CFAP74: variants seen among roughly 807,000 people sequenced by gnomAD.
CFAP74 encodes cilia and flagella associated protein 74.
CFAP74 carries 124 observed loss-of-function variants against 188.9 expected under a neutral mutation model. That is an observed-to-expected ratio of 0.66 (90% CI 0.57 to 0.76). CFAP74 has a LOEUF of 0.76. Ranked by LOEUF, CFAP74 falls within the 30% of genes least tolerant of loss-of-function variation. The pLI is 0.00. For synonymous variants in CFAP74, 956 were observed against 916.7 expected, an observed-to-expected ratio of 1.04 and a Z score of -0.77; for missense variants, 2,198 against 2,165.2, an observed-to-expected ratio of 1.02 and a Z score of -0.30.
At position 1,927,700 on chromosome 1, in the gene CFAP74, G is replaced by GAC. The variant is rs1208841207; in HGVS notation, c.3432_3433dup (p.Ser1145CysfsTer30). On this transcript the variant is annotated frameshift_variant, in exon 28 of 39. Coordinates refer to ENST00000682832, the MANE Select transcript of CFAP74 (RefSeq NM_001304360.2). LOFTEE classifies it high-confidence loss of function. Reference sequence around the variant, plus strand: ...GTTCTGTGCTCGAAGAACGGAGAATGACAGTCCATGCAGGTCCTTCCTCTG... The same window carrying GAC: ...GTTCTGTGCTCGAAGAACGGAGAATGACACAGTCCATGCAGGTCCTTCCTCTG... 6.5e-7 allele frequency: 1 copy of GAC among 1,550,198 alleles called. No homozygotes were observed. The highest frequency in any genetic ancestry group is 2.0e-5 in the Admixed American group (1 of 51,004).
chr1:1,928,543 C>T (rs1447704972), intron 27 of CFAP74, among the ~76,000 whole-genome samples: 3 of 152,200 alleles, frequency 2.0e-5, no homozygotes, highest in Non-Finnish European at 4.4e-5. Flanking sequence ...CCCTACTGCC[C>T]CCACCTCCAG....
intron 18 of CFAP74, among the ~76,000 whole-genome samples, chr1:1,948,361 C>CAAGCGATCCTCCCGGCTCAGCA (rs1558014094): frequency 9.3e-5 from 14 of 149,870 alleles, no homozygotes; most frequent in African/African-American, 3.5e-4. Flanking sequence ...CAGCCTCGGC[C>CAAGCGATCCTCCCGGCTCAGCA]TCCTGGTTTC....
intron 18 of CFAP74, 194 bp downstream of exon 18, chr1:1,955,497 A>G (rs1354089643): frequency 3.7e-6 from 6 of 1,602,628 alleles, no homozygotes; most frequent in Non-Finnish European, 3.4e-6. Flanking sequence ...ACGTGAATGT[A>G]CATTTTCGTC....
chr1:1,995,099 A>T (rs1047265714), intron 1 of CFAP74, among the ~76,000 whole-genome samples: 45 of 152,180 alleles, frequency 3.0e-4, no homozygotes, highest in Admixed American at 2.4e-3. Context: ...CGTGCTGAAG[A>T]AGCAGTGGAA....
At chr1:1,981,820 A>ACAGACACGGGGGCACGCAGGACACCCAG (rs1656890320) in intron 6 of CFAP74, among the ~76,000 whole-genome samples, 3 of 5,490 alleles carry the variant, frequency 5.5e-4, no homozygotes, top group Admixed American at 1.7e-3. Context: ...AGGACACCCA[A>ACAGACACGGGGGCACGCAGGACACCCAG]CCGCGGACAG....
rs376589597 is a variant in CFAP74 at position 1,956,710 on chromosome 1, C to G, written c.1926G>C (p.Leu642=). The G allele has an allele frequency of 1.7e-5, 28 of 1,613,920 alleles. No individual in the cohort carries two copies. The highest frequency in any genetic ancestry group is 2.1e-5 in the Non-Finnish European group (25 of 1,179,984). ...TCGTGCCCAAGCCCCCAACGTTGGT[C>G]AGCGTGATGGTCCGAGACGTGGTCT... ...VGETTSRTIT[L]TNVGGLGTTF... is the part of the protein sequence containing the mutation. The change falls in exon 17 of 39, where the codon CTG becomes CTC. Residue 642 remains leucine (L), a synonymous_variant. Transcript: ENST00000682832.
intron 2 of CFAP74, among the ~76,000 whole-genome samples, chr1:1,989,541 AC>A (rs1446059932): frequency 6.6e-6 from 1 of 152,112 alleles, no homozygotes; most frequent in Non-Finnish European, 1.5e-5. Context: ...GCTCTCTGCC[AC>A]CTTCGCCTCC....
At position 1,923,876 on chromosome 1, in the gene CFAP74, C is replaced by T. The variant is rs768524658; in HGVS notation, c.4288G>A (p.Val1430Ile). 1.7e-5 allele frequency: 28 copies of T among 1,613,024 alleles called. No individual in the cohort carries two copies. Among genetic ancestry groups the T allele is most frequent in the African/African-American group, 8.0e-5 (6 of 74,854 alleles). ...TCTTGTGTCTTCCCGGGGTCCATGA[C>T]GCCCTTGACGGGGGCCACGCTGAAC... is the stretch of plus-strand genomic sequence containing the variant. ...SVFSVAPVKGVMDPGKTQDFT... is the reference protein window; with the variant it reads ...SVFSVAPVKGIMDPGKTQDFT... Residue 1430 changes from valine (V) to isoleucine (I), a missense_variant, in exon 35 of 39, where the codon GTC (valine) becomes ATC (isoleucine). Coordinates refer to ENST00000682832, the MANE Select transcript of CFAP74 (RefSeq NM_001304360.2). The surrounding 1 kb of genome is among the most constrained non-coding windows in gnomAD (Gnocchi z 6.3).
chr1:1,943,250 C>T (rs1457243436), intron 21 of CFAP74, among the ~76,000 whole-genome samples: 2 of 152,136 alleles, frequency 1.3e-5, no homozygotes, highest in Non-Finnish European at 2.9e-5. Flanking sequence ...GTCAAGTTTC[C>T]AAGGCCACTG....
chr1:1,991,928 T>C (rs908775522), intron 1 of CFAP74, among the ~76,000 whole-genome samples: 4 of 151,400 alleles, frequency 2.6e-5, no homozygotes, highest in Non-Finnish European at 5.9e-5. Context: ...CGGTCCCAGC[T>C]ACTCGGGAGG....
chr1:1,932,455 A>C (rs1423674911), intron 25 of CFAP74, among the ~76,000 whole-genome samples: 1 of 151,320 alleles, frequency 6.6e-6, no homozygotes, highest in Non-Finnish European at 1.5e-5. Context: ...GGCTGGTCTC[A>C]AATTCCTGGA....
In CFAP74 at chr1:1,955,709, C is replaced by T. The variant is rs913046526; in HGVS notation, c.2158G>A (p.Glu720Lys). The part of the protein sequence containing the change: ...KELEKLDKEQ[E>K]EEQPAEPERL... ...GGCTCACCTGCGGGCTGCTCCTCCT[C>T]CTGCTCCTTGTCCAGCTTCTCCAGC... The change falls in exon 18 of 39, where the codon GAG (glutamate) becomes AAG (lysine). Residue 720 changes from glutamate to lysine, a missense_variant. Physicochemically the swap from Glu to Lys is moderately conservative, Grantham distance 56. Transcript: ENST00000682832. 3.1e-6 allele frequency: 5 copies of T among 1,613,818 alleles called. No individual in the cohort carries two copies. Among genetic ancestry groups the T allele is most frequent in the African/African-American group, 2.7e-5 (2 of 74,934 alleles).
intron 25 of CFAP74, among the ~76,000 whole-genome samples, chr1:1,936,683 C>T (rs1357855017): frequency 6.6e-6 from 1 of 152,120 alleles, no homozygotes; most frequent in Non-Finnish European, 1.5e-5. Context: ...GCGGGAGGAT[C>T]GCTTGAGGCT....
chr1:1,933,285 G>A (rs1327863601), intron 25 of CFAP74, among the ~76,000 whole-genome samples: 1 of 150,970 alleles, frequency 6.6e-6, no homozygotes, highest in Non-Finnish European at 1.5e-5. Flanking sequence ...CTGGGTTCAA[G>A]CGACTCTCCT....
intron 18 of CFAP74, among the ~76,000 whole-genome samples, chr1:1,949,576 A>G (rs1654079253): frequency 6.6e-6 from 1 of 151,908 alleles, no homozygotes; most frequent in Admixed American, 6.6e-5. Flanking sequence ...AAGTTTTGAC[A>G]GATTCATGTG....
intron 24 of CFAP74, 75 bp from the exon 25 acceptor site, chr1:1,939,063 G>A: frequency 1.4e-6 from 2 of 1,427,500 alleles, no homozygotes; most frequent in East Asian, 5.0e-5. Flanking sequence ...GGCCGTGAGT[G>A]TGAGAGTAAG....
intron 1 of CFAP74, among the ~76,000 whole-genome samples, chr1:2,002,669 C>CA (rs1295846134): frequency 0.012 from 1,662 of 137,074 alleles, 38 homozygotes; most frequent in African/African-American, 0.045. Flanking sequence ...GACTCTGTCT[C>CA]AAAAAAACAA....
At chr1:1,932,189 G>A (rs1302855974) in intron 25 of CFAP74, among the ~76,000 whole-genome samples, 1 of 151,768 alleles carries the variant, frequency 6.6e-6, no homozygotes, top group African/African-American at 2.4e-5. Context: ...GAGGTCAGGA[G>A]ATCGAGACCA....
In CFAP74 at chr1:1,968,594, C is replaced by T. The variant is rs536834251; in HGVS notation, c.1245+41G>A. The T allele has an allele frequency of 1.9e-6, 3 of 1,568,302 alleles. No homozygotes were observed. Among genetic ancestry groups the T allele is most frequent in the East Asian group, 2.2e-5 (1 of 44,556 alleles). ...GCCCTGAGGCCCCACCTGCCCTCCA[C>T]AGGTGTGCGGCTTCTGTCTACAGGA... is the stretch of plus-strand genomic sequence containing the variant. On this transcript the variant is annotated intron_variant, in intron 11 of 38. Coordinates refer to ENST00000682832, the MANE Select transcript of CFAP74 (RefSeq NM_001304360.2). The surrounding 1 kb of genome is among the most constrained non-coding windows in gnomAD (Gnocchi z 4.3).
Sources: allele counts gnomAD v4.1 joint callset (sites outside exome capture counted in the v4.1 genomes callset), GRCh38; gene constraint gnomAD v4.1.1; non-coding constraint Gnocchi (gnomAD v3.1); transcripts MANE v1.5; gene names NCBI Gene and HGNC (gene_info 2026-07-23, HGNC 2026-07-21).